The following LINGO2 variants were observed in gnomAD, a reference collection of about 807,000 sequenced individuals.
LINGO2 encodes the protein leucine-rich repeat and immunoglobulin-like domain-containing nogo receptor-interacting protein 2.
A neutral mutation model predicts 30.6 loss-of-function variants in LINGO2; 14 were observed. The ratio of observed to expected loss-of-function variants is 0.46; its 90% confidence interval spans 0.30 to 0.72. The LOEUF is 0.72. Among genes scored for constraint, LINGO2 ranks in the 30% least tolerant of loss-of-function variants. The pLI, the probability that LINGO2 is intolerant of heterozygous loss-of-function variation, is 0.07. For missense variants in LINGO2, 729 were observed against 751.7 expected, an observed-to-expected ratio of 0.97 and a Z score of 0.35; for synonymous variants, 317 against 288.5, an observed-to-expected ratio of 1.10 and a Z score of -1.00.
rs890200705 is a variant in LINGO2, at chr9:28,276,268, G to C, written c.-87+18940C>G. On this transcript the variant is annotated intron_variant, in intron 4 of 5. Coordinates refer to ENST00000379992, the Ensembl canonical transcript of LINGO2. ...CTCTCTTCATGTACACAGAGCAACA[G>C]TCAGTCAAAATGCTATGCACACGTT... 2.0e-5 allele frequency among the ~76,000 whole-genome samples: 3 copies of C among 152,130 alleles called. No individual in the cohort carries two copies. The South Asian group carries it at 6.2e-4, about 32-fold the overall frequency.
the LINGO2 span, among the ~76,000 whole-genome samples, chr9:28,972,967 A>G: frequency 3.0e-4 from 46 of 152,268 alleles, no homozygotes; most frequent in African/African-American, 1.1e-3. Flanking sequence ...ATTTGGGTGA[A>G]TACACAGCCA....
the LINGO2 span, among the ~76,000 whole-genome samples, chr9:29,151,281 T>A: frequency 6.6e-6 from 1 of 152,160 alleles, no homozygotes; most frequent in African/African-American, 2.4e-5. Flanking sequence ...CAGAAATGAA[T>A]GATAACTGCT....
intron 2 of LINGO2, among the ~76,000 whole-genome samples, chr9:28,446,112 G>C (rs894610912): frequency 1.3e-4 from 20 of 151,940 alleles, no homozygotes; most frequent in African/African-American, 4.6e-4. Flanking sequence ...AAGGATCCTA[G>C]GGAATGTTTA....
chr9:28,949,594 G>T, the LINGO2 span, among the ~76,000 whole-genome samples: 1 of 152,118 alleles, frequency 6.6e-6, no homozygotes, highest in Non-Finnish European at 1.5e-5. Context: ...CCATTAACAA[G>T]TTCTGAAATT....
At chr9:28,911,803 G>C in the LINGO2 span, among the ~76,000 whole-genome samples, 1 of 152,044 alleles carries the variant, frequency 6.6e-6, no homozygotes. Context: ...TACAGAAAGA[G>C]ATGTACGTTC....
chr9:29,122,014 T>A, the LINGO2 span, among the ~76,000 whole-genome samples: 1 of 152,194 alleles, frequency 6.6e-6, no homozygotes, highest in Non-Finnish European at 1.5e-5. Flanking sequence ...AAATGGAAAC[T>A]TAAGGGTAGA....
chr9:28,734,583 C>T, the LINGO2 span, among the ~76,000 whole-genome samples: 5 of 151,966 alleles, frequency 3.3e-5, no homozygotes, highest in African/African-American at 4.8e-5. Context: ...ATGGTAGATT[C>T]GCAGCTCAAA....
chr9:28,952,455 T>A, the LINGO2 span, among the ~76,000 whole-genome samples: 586 of 152,276 alleles, frequency 3.8e-3, 3 homozygotes, highest in African/African-American at 0.013. Context: ...TGCAATGAAA[T>A]TTTTCCATTC....
At chr9:29,064,387 T>A in the LINGO2 span, among the ~76,000 whole-genome samples, 1 of 152,090 alleles carries the variant, frequency 6.6e-6, no homozygotes, top group East Asian at 1.9e-4. Context: ...CATACTTCAA[T>A]GTTACATAAA....
At chr9:28,889,064 T>C in the LINGO2 span, 1 of 377,776 alleles carries the variant, frequency 2.6e-6, no homozygotes, top group Non-Finnish European at 5.4e-6. Context: ...GCAGCTTGCC[T>C]GGTGCTTGTG....
At chr9:28,176,268 C>T (rs905147409) in intron 4 of LINGO2, among the ~76,000 whole-genome samples, 1 of 152,072 alleles carries the variant, frequency 6.6e-6, no homozygotes, top group Non-Finnish European at 1.5e-5. Context: ...ATCTTTTCTT[C>T]CTGAAAAACT....
chr9:28,269,182 T>C (rs1436812829), intron 4 of LINGO2, among the ~76,000 whole-genome samples: 4 of 152,094 alleles, frequency 2.6e-5, no homozygotes, highest in Admixed American at 6.6e-5. Context: ...TAATTATACC[T>C]CTATTTTCCT....
At chr9:29,078,892 T>A in the LINGO2 span, among the ~76,000 whole-genome samples, 1 of 151,924 alleles carries the variant, frequency 6.6e-6, no homozygotes, top group East Asian at 1.9e-4. Context: ...GCTGAATTTT[T>A]TTTAACAATT....
chr9:29,034,549 A>T, the LINGO2 span, among the ~76,000 whole-genome samples: 3 of 152,084 alleles, frequency 2.0e-5, no homozygotes, highest in African/African-American at 7.2e-5. Context: ...CCTTTTTTGG[A>T]GAGGTACATT....
At chr9:28,438,897 TTATACATTATATATAATGAAATATATATC>T (rs1361315339) in intron 2 of LINGO2, among the ~76,000 whole-genome samples, 8 of 122,010 alleles carry the variant, frequency 6.6e-5, no homozygotes, top group South Asian at 2.9e-4. Context: ...ATATATATAT[TTATACATTATATATAATGAAATATATATC>T]TATACATTAT....
chr9:28,307,865 A>G (rs1361980502), intron 3 of LINGO2, among the ~76,000 whole-genome samples: 1 of 152,124 alleles, frequency 6.6e-6, no homozygotes, highest in African/African-American at 2.4e-5. Context: ...TAGAAATCCA[A>G]CTTACAAGGG....
intron 1 of LINGO2, among the ~76,000 whole-genome samples, chr9:28,560,866 G>C (rs1439785255): frequency 2.6e-5 from 4 of 151,694 alleles, no homozygotes; most frequent in Admixed American, 6.6e-5. Context: ...GTAGAGATGG[G>C]GTTTCTCCAA....
the LINGO2 span, among the ~76,000 whole-genome samples, chr9:28,912,002 C>T: frequency 2.6e-4 from 40 of 152,210 alleles, no homozygotes; most frequent in African/African-American, 9.1e-4. Context: ...TATGAATATA[C>T]TTGCTAAATA....
chr9:28,948,655 T>G, the LINGO2 span, among the ~76,000 whole-genome samples: 10 of 152,132 alleles, frequency 6.6e-5, no homozygotes, highest in African/African-American at 2.4e-4. Flanking sequence ...CTATACCCTT[T>G]AATAGCTATT....
Sources: gnomAD v4.1 joint callset for allele counts (sites outside exome capture counted in the v4.1 genomes callset) on GRCh38, gnomAD v4.1.1 for gene constraint, MANE v1.5 for transcripts, NCBI Gene and HGNC (gene_info 2026-07-23, HGNC 2026-07-21) for gene names.